The following SPART variants were observed in gnomAD, a reference collection of about 807,000 sequenced individuals.
SPART encodes spartin, also known as spastic paraplegia 20 (Troyer syndrome).
In SPART, 35 loss-of-function variants were observed where a neutral mutation model predicts 58.7. The ratio of observed to expected loss-of-function variants is 0.60; its 90% CI spans 0.46 to 0.79. The LOEUF (loss-of-function observed/expected upper bound fraction) is 0.79. Among genes scored for constraint, SPART ranks in the 30% least tolerant of loss-of-function variants. SPART has a pLI of 0.00. For synonymous variants in SPART, 284 were observed against 280.7 expected, an observed-to-expected ratio of 1.01 and a Z score of -0.12; for missense variants, 730 against 786.1, an observed-to-expected ratio of 0.93 and a Z score of 0.85.
upstream of SPART, among the ~76,000 whole-genome samples, chr13:36,347,218 T>G (rs1885204387): frequency 6.6e-6 from 1 of 152,026 alleles, no homozygotes; most frequent in African/African-American, 2.4e-5. Context: ...TTGTTGTTGT[T>G]GTGTTTTTGT....
chr13:36,322,635 G>A (rs1269526279), intron 5 of SPART, among the ~76,000 whole-genome samples: 1 of 152,048 alleles, frequency 6.6e-6, no homozygotes, highest in Non-Finnish European at 1.5e-5. Flanking sequence ...GCTTTTGATA[G>A]TCTTTATTTC....
upstream of SPART, among the ~76,000 whole-genome samples, chr13:36,347,408 G>A (rs921739738): frequency 2.6e-5 from 4 of 151,980 alleles, no homozygotes; most frequent in Non-Finnish European, 4.4e-5. Flanking sequence ...TAGTAGAGAC[G>A]GGGTTTCACC....
rs1038310394 is a variant in SPART, at chr13:36,303,250, A to T, written c.*1115T>A. 6.6e-6 allele frequency: 1 copy of T among 152,214 alleles called. No individual in the cohort carries two copies. Among genetic ancestry groups the T allele is most frequent in the African/African-American group, 2.4e-5 (1 of 41,470 alleles). 9.4% of individuals were successfully genotyped at this position (152,214 alleles called of 1,614,324 possible). ...GAAATTATTAGAATGGACTACAGCTATGAAAACTAATACCAATCTCTTAAA... is the reference window on the plus strand; with the variant it reads ...GAAATTATTAGAATGGACTACAGCTTTGAAAACTAATACCAATCTCTTAAA... On this transcript the variant is annotated 3_prime_UTR_variant, in exon 9 of 9. Transcript: ENST00000438666.
At position 36,328,687 on chromosome 13, in the gene SPART, A is replaced by G. The variant is rs527650095; in HGVS notation, c.1164+675T>C. On this transcript the variant is annotated intron_variant, in intron 4 of 8. Coordinates refer to ENST00000438666, the MANE Select transcript of SPART (RefSeq NM_015087.5). ...CTCAATAAATATTTCCTGAACTCTA[A>G]TCCAAATTTACCAGTTAGAATATAT... Among the ~76,000 whole-genome samples the G allele has an allele frequency of 3.9e-5, 6 of 152,326 alleles. No homozygotes were observed. The South Asian group carries it at 8.3e-4, about 21-fold the overall frequency.
chr13:36,334,818 AACTATT>A (rs1188127456), intron 2 of SPART, among the ~76,000 whole-genome samples, 197 bp downstream of exon 2: 2 of 152,158 alleles, frequency 1.3e-5, no homozygotes, highest in Non-Finnish European at 2.9e-5. Flanking sequence ...ACCAAAATAA[AACTATT>A]AATATATCTT....
intron 1 of SPART, among the ~76,000 whole-genome samples, chr13:36,363,186 G>T (rs1484787324): frequency 6.6e-6 from 1 of 152,216 alleles, no homozygotes; most frequent in African/African-American, 2.4e-5. Context: ...AACAGGATCA[G>T]TCTAAAGATG....
intron 1 of SPART, among the ~76,000 whole-genome samples, chr13:36,340,531 G>T (rs968208659): frequency 2.6e-5 from 4 of 152,036 alleles, no homozygotes; most frequent in African/African-American, 9.7e-5. Context: ...AACAATAGAA[G>T]AAGGAAATTA....
chr13:36,304,155 T>C lies in SPART; in HGVS notation c.*210A>G. ...ACTTGGAAAAAAATAAACTTGAGAATATAACTTCACATTTCTAAGGCCAGA... is the reference window on the plus strand; with the variant it reads ...ACTTGGAAAAAAATAAACTTGAGAACATAACTTCACATTTCTAAGGCCAGA... On this transcript the variant is annotated 3_prime_UTR_variant, in exon 9 of 9. Coordinates refer to ENST00000438666, the MANE Select transcript of SPART (RefSeq NM_015087.5). 1 of 625,032 alleles carries C rather than the reference T, an allele frequency of 1.6e-6. No individual in the cohort carries two copies. The highest frequency in any genetic ancestry group is 2.7e-6 in the Non-Finnish European group (1 of 364,052). The allele number at this position is 625,032 out of a possible 1,614,324, so 38.7% of individuals were successfully genotyped here.
chr13:36,309,773 G>T (rs1173678866), intron 8 of SPART, among the ~76,000 whole-genome samples: 1 of 152,086 alleles, frequency 6.6e-6, no homozygotes, highest in South Asian at 2.1e-4. Context: ...CATCTATTGG[G>T]TACTATGCTT....
chr13:36,314,435 A>G lies in SPART; in HGVS notation c.1289-14T>C, dbSNP rs1226496768. ...CCCAGGAAGCACCTTTTTAAAAGAAAATTTAAAATTGCACAATATTAGGGC... is the reference window on the plus strand; with the variant it reads ...CCCAGGAAGCACCTTTTTAAAAGAAGATTTAAAATTGCACAATATTAGGGC... On this transcript the variant is annotated splice_polypyrimidine_tract_variant and intron_variant, in intron 5 of 8. Transcript: ENST00000438666. 6.2e-7 allele frequency: 1 copy of G among 1,612,984 alleles called. No homozygotes were observed. The highest frequency in any genetic ancestry group is 8.5e-7 in the Non-Finnish European group (1 of 1,179,036).
At chr13:36,343,842 T>C (rs1566140263) in intron 1 of SPART, among the ~76,000 whole-genome samples, 1 of 152,144 alleles carries the variant, frequency 6.6e-6, no homozygotes, top group African/African-American at 2.4e-5. Context: ...TAGTAAATGA[T>C]ACATTCAAAT....
chr13:36,329,637 C>T (rs1282021714), intron 3 of SPART, 120 bp from the exon 4 acceptor site: 5 of 1,032,696 alleles, frequency 4.8e-6, no homozygotes, highest in Non-Finnish European at 7.4e-6. Flanking sequence ...GGCAGTCTAT[C>T]AGTAACAACT....
intron 1 of SPART, among the ~76,000 whole-genome samples, chr13:36,359,666 G>A (rs539193671): frequency 6.9e-4 from 105 of 152,228 alleles, no homozygotes; most frequent in African/African-American, 2.4e-3. Context: ...GCAAAGCTCT[G>A]TACTCCACAA....
intron 1 of SPART, among the ~76,000 whole-genome samples, chr13:36,337,350 G>A (rs1234186534): frequency 2.6e-5 from 4 of 151,998 alleles, no homozygotes; most frequent in South Asian, 2.1e-4. Flanking sequence ...ATGGTTTGGC[G>A]ATGTCCCCAC....
chr13:36,344,012 G>A (rs1453558814), intron 1 of SPART, among the ~76,000 whole-genome samples: 1 of 146,828 alleles, frequency 6.8e-6, no homozygotes. Flanking sequence ...CAGCCTGGGT[G>A]ACAGAGCAAG....
intron 1 of SPART, chr13:36,336,215 A>G (rs1304267668): frequency 6.0e-6 from 1 of 165,384 alleles, no homozygotes; most frequent in Admixed American, 5.9e-5. Context: ...TATCCAGCCA[A>G]TAAAAAATGA....
chr13:36,359,887 C>T (rs1885770214), intron 1 of SPART, among the ~76,000 whole-genome samples: 1 of 130,568 alleles, frequency 7.7e-6, no homozygotes, highest in African/African-American at 3.0e-5. Context: ...AGGATAGTGC[C>T]TAGAACACTA....
intron 5 of SPART, among the ~76,000 whole-genome samples, chr13:36,319,494 T>C (rs1177278565): frequency 6.6e-6 from 1 of 151,998 alleles, no homozygotes; most frequent in African/African-American, 2.4e-5. Context: ...TGCTACAGCA[T>C]GGCCTTTTAA....
rs1246739210 is a variant in SPART at position 36,352,046 on chromosome 13, A to G, written c.-2-16214T>C. Among the ~76,000 whole-genome samples, 5 of 152,156 alleles carry G rather than the reference A, an allele frequency of 3.3e-5. No individual in the cohort carries two copies. In the East Asian group the frequency reaches 9.6e-4, roughly 29 times the overall value. On this transcript the variant is annotated intron_variant, in intron 1 of 8. Transcript: ENST00000355182. ...AGCTCATGTTGAAATCAGTGGGATG[A>G]CTCGATGTAAACTAAAACTCCTTGT...
Sources: allele counts gnomAD v4.1 joint callset (sites outside exome capture counted in the v4.1 genomes callset), GRCh38; gene constraint gnomAD v4.1.1; transcripts MANE v1.5; gene names NCBI Gene and HGNC (gene_info 2026-07-23, HGNC 2026-07-21).